TAF3: variants seen among roughly 807,000 people sequenced by gnomAD.
TAF3 encodes the protein TATA-box binding protein associated factor 3.
In TAF3, 7 loss-of-function variants were observed where a neutral mutation model predicts 80.6. The observed-to-expected ratio is 0.09, with a 90% CI of 0.05 to 0.16. The LOEUF is 0.16. Ranked by LOEUF, TAF3 falls within the 10% of genes least tolerant of loss-of-function variation. TAF3 has a pLI of 1.00. For missense variants in TAF3, 921 were observed against 1,140.2 expected (o/e 0.81, Z 2.77); for synonymous variants, 444 against 446.1 (o/e 1.00, Z 0.06).
chr10:7,984,439 G>C (rs1201434249), intron 4 of TAF3, among the ~76,000 whole-genome samples: 1 of 152,202 alleles, frequency 6.6e-6, no homozygotes, highest in Non-Finnish European at 1.5e-5. Context: ...CGCATTAGAA[G>C]ACTCAGGAAA....
At chr10:8,000,413 G>T (rs143590481) in intron 4 of TAF3, among the ~76,000 whole-genome samples, 1 of 151,842 alleles carries the variant, frequency 6.6e-6, no homozygotes, top group Admixed American at 6.6e-5. Flanking sequence ...CACTGCACCC[G>T]GCCTTTTTCT....
intron 2 of TAF3, among the ~76,000 whole-genome samples, chr10:7,827,303 G>A (rs960459904): frequency 2.2e-4 from 33 of 148,050 alleles, no homozygotes; most frequent in Admixed American, 1.3e-3. Context: ...TACCACATTG[G>A]GGAAATGGAG....
intron 1 of TAF3, 78 bp from the exon 2 acceptor site, chr10:7,824,240 A>G (rs1195295488): frequency 6.7e-7 from 1 of 1,484,656 alleles, no homozygotes; most frequent in Non-Finnish European, 9.1e-7. Context: ...ATATTTACTT[A>G]CTACTTTTTC....
At chr10:7,879,784 C>G (rs1351554611) in intron 2 of TAF3, among the ~76,000 whole-genome samples, 1 of 152,116 alleles carries the variant, frequency 6.6e-6, no homozygotes, top group East Asian at 1.9e-4. Flanking sequence ...GTTTCTTAGT[C>G]TTGTAGACTT....
intron 2 of TAF3, among the ~76,000 whole-genome samples, chr10:7,852,532 C>T (rs965911775): frequency 3.3e-5 from 5 of 152,144 alleles, no homozygotes; most frequent in African/African-American, 4.8e-5. Context: ...TTTTGTTTCA[C>T]GTGGTCCTCT....
chr10:7,977,229 T>C lies in TAF3; in HGVS notation c.2233-12T>C. On this transcript the variant is annotated splice_polypyrimidine_tract_variant and intron_variant, in intron 3 of 6. Coordinates refer to ENST00000344293, the MANE Select transcript of TAF3 (RefSeq NM_031923.4). ...AAAACCATATTGAACTTTAATGTGC[T>C]AACTTCCACAGATAAAAGTGGAACC... The C allele has an allele frequency of 6.2e-7, 1 of 1,613,910 alleles. No homozygotes were observed. The highest frequency in any genetic ancestry group is 8.5e-7 in the Non-Finnish European group (1 of 1,179,810).
intron 2 of TAF3, among the ~76,000 whole-genome samples, chr10:7,935,144 G>A (rs1588557584): frequency 6.6e-6 from 1 of 152,066 alleles, no homozygotes; most frequent in East Asian, 1.9e-4. Flanking sequence ...GTGCGTGCTG[G>A]TGCGCGCCTG....
intron 2 of TAF3, among the ~76,000 whole-genome samples, chr10:7,904,993 T>C (rs1837593848): frequency 6.6e-6 from 1 of 151,868 alleles, no homozygotes; most frequent in Non-Finnish European, 1.5e-5. Context: ...TTGCTAGAGG[T>C]GAGAGGAAAA....
intron 2 of TAF3, among the ~76,000 whole-genome samples, chr10:7,858,843 T>C (rs1837112356): frequency 6.6e-6 from 1 of 151,028 alleles, no homozygotes; most frequent in South Asian, 2.1e-4. Context: ...CGCCTGCATG[T>C]CACTGAATGT....
intron 4 of TAF3, among the ~76,000 whole-genome samples, chr10:7,990,024 A>G (rs891667679): frequency 7.0e-6 from 1 of 143,236 alleles, no homozygotes; most frequent in Non-Finnish European, 1.6e-5. Context: ...TAAGAGACCC[A>G]GTTAAAATTA....
At chr10:7,922,955 C>T (rs184491369) in intron 2 of TAF3, among the ~76,000 whole-genome samples, 6 of 151,988 alleles carry the variant, frequency 3.9e-5, no homozygotes, top group South Asian at 2.1e-4. Flanking sequence ...ACACTTAAAC[C>T]GCTTAATAAC....
chr10:7,930,122 CAG>C (rs1371731027), intron 2 of TAF3, among the ~76,000 whole-genome samples: 2 of 152,102 alleles, frequency 1.3e-5, no homozygotes, highest in East Asian at 3.9e-4. Context: ...CACTTGAGCC[CAG>C]GGAAGTCAAG....
At chr10:7,866,802 G>T (rs964442114) in intron 2 of TAF3, among the ~76,000 whole-genome samples, 1 of 152,162 alleles carries the variant, frequency 6.6e-6, no homozygotes, top group Non-Finnish European at 1.5e-5. Context: ...GACGCATCAG[G>T]TTAAATAAAG....
intron 4 of TAF3, among the ~76,000 whole-genome samples, chr10:8,002,323 G>A (rs934109491): frequency 6.6e-6 from 1 of 151,822 alleles, no homozygotes; most frequent in African/African-American, 2.4e-5. Context: ...TTATCCCGTC[G>A]CACATCGTAA....
chr10:7,903,311 C>T (rs775928175), intron 2 of TAF3, among the ~76,000 whole-genome samples: 2 of 152,114 alleles, frequency 1.3e-5, no homozygotes, highest in Non-Finnish European at 2.9e-5. Context: ...ACAGGTGACC[C>T]CTGTGTCCTT....
At chr10:8,005,720 T>G (rs949806321) in intron 4 of TAF3, among the ~76,000 whole-genome samples, 1 of 152,248 alleles carries the variant, frequency 6.6e-6, no homozygotes, top group Admixed American at 6.5e-5. Context: ...AAACTGCCTC[T>G]AGAAGCAGTG....
chr10:7,870,679 C>T (rs79577927), intron 2 of TAF3, among the ~76,000 whole-genome samples: 489 of 152,216 alleles, frequency 3.2e-3, no homozygotes, highest in Non-Finnish European at 4.8e-3. Context: ...GAACTCGACA[C>T]GCTTCTGAGT....
rs555707939 is a variant in TAF3 at position 7,842,167 on chromosome 10, T to G, written c.409+17607T>G. Among the ~76,000 whole-genome samples the G allele has an allele frequency of 5.8e-3, 548 of 94,558 alleles. 8 individuals are homozygous for G. The highest frequency in any genetic ancestry group is 0.02 in the African/African-American group (524 of 25,620). 62.0% of individuals were successfully genotyped at this position (94,558 alleles called of 152,430 possible). On this transcript the variant is annotated intron_variant, in intron 2 of 6. Coordinates refer to ENST00000344293, the MANE Select transcript of TAF3 (RefSeq NM_031923.4). Reference sequence around the variant, plus strand: ...ATTAATATTGTTTTTTTTTTTTGTTTTTTTTTTTGTTTTTTTTTTTTTTTG... The same window carrying G: ...ATTAATATTGTTTTTTTTTTTTGTTGTTTTTTTTGTTTTTTTTTTTTTTTG...
At chr10:7,969,209 T>C (rs1418213524) in intron 3 of TAF3, among the ~76,000 whole-genome samples, 1 of 152,032 alleles carries the variant, frequency 6.6e-6, no homozygotes, top group Non-Finnish European at 1.5e-5. Flanking sequence ...GTGTTGCACA[T>C]CTGGAGTCTC....
Sources: allele counts gnomAD v4.1 joint callset (sites outside exome capture counted in the v4.1 genomes callset), GRCh38; gene constraint gnomAD v4.1.1; transcripts MANE v1.5; gene names NCBI Gene and HGNC (gene_info 2026-07-23, HGNC 2026-07-21).